FSTL5: variants seen among roughly 807,000 people sequenced by gnomAD.
FSTL5 encodes the protein follistatin-related protein 5.
A neutral mutation model predicts 89.1 loss-of-function variants in FSTL5; 62 were observed. That is an observed-to-expected ratio of 0.70 (90% CI 0.57 to 0.86). The LOEUF (loss-of-function observed/expected upper bound fraction) is 0.86, where lower values mean the gene tolerates loss of function less well. Ranked by LOEUF, FSTL5 falls within the 40% of genes least tolerant of loss-of-function variation. The pLI is 0.00. For missense variants in FSTL5, 1,057 were observed against 1,001.6 expected (o/e 1.06, Z -0.75); for synonymous variants, 383 against 346.2 (o/e 1.11, Z -1.18).
chr4:161,414,136 TTAAAG>T (rs1429086511), intron 15 of FSTL5, among the ~76,000 whole-genome samples: 1 of 152,078 alleles, frequency 6.6e-6, no homozygotes, highest in Admixed American at 6.5e-5. Flanking sequence ...ATATAAAAAA[TTAAAG>T]TAAATAATTT....
intron 4 of FSTL5, among the ~76,000 whole-genome samples, chr4:161,797,712 T>C (rs929594209): frequency 2.0e-5 from 3 of 151,652 alleles, no homozygotes; most frequent in Non-Finnish European, 4.4e-5. Context: ...CATATATTTC[T>C]AGTAAGAATG....
intron 4 of FSTL5, among the ~76,000 whole-genome samples, chr4:161,844,604 A>C (rs1312469510): frequency 6.6e-6 from 1 of 152,214 alleles, no homozygotes; most frequent in African/African-American, 2.4e-5. Context: ...AATACCATGC[A>C]ACCATAAAAA....
At chr4:162,001,761 G>A (rs1305114341) in intron 3 of FSTL5, among the ~76,000 whole-genome samples, 1 of 152,126 alleles carries the variant, frequency 6.6e-6, no homozygotes, top group Non-Finnish European at 1.5e-5. Context: ...GCCAAAGCCA[G>A]TGCTCTCACC....
chr4:162,052,214 T>C (rs1234099652), intron 2 of FSTL5, among the ~76,000 whole-genome samples: 2 of 150,946 alleles, frequency 1.3e-5, no homozygotes, highest in African/African-American at 4.8e-5. Context: ...AAACACAAAA[T>C]GCCAAAATAG....
intron 4 of FSTL5, among the ~76,000 whole-genome samples, chr4:161,909,563 A>C (rs1733633985): frequency 6.6e-6 from 1 of 151,980 alleles, no homozygotes; most frequent in African/African-American, 2.4e-5. Flanking sequence ...TCTCTCCTAA[A>C]ATTTCCCAAA....
intron 7 of FSTL5, among the ~76,000 whole-genome samples, chr4:161,600,323 C>T (rs998356509): frequency 1.3e-5 from 2 of 151,924 alleles, no homozygotes; most frequent in African/African-American, 4.8e-5. Context: ...ATATAATTCA[C>T]AGTAGGAGTC....
At chr4:162,055,794 G>T (rs1329082232) in intron 2 of FSTL5, among the ~76,000 whole-genome samples, 1 of 151,756 alleles carries the variant, frequency 6.6e-6, no homozygotes, top group East Asian at 1.9e-4. Flanking sequence ...GGAGACACAA[G>T]AAATACAATA....
rs1402178227 is a variant in FSTL5, at chr4:161,655,418, AATC to A, written c.894+907_894+909del. ...GTGAACACATGACCCCAGATTGACC[AATC>A]AGAGTATTACATTCTTGTACTTACT... On this transcript the variant is annotated intron_variant, in intron 7 of 15. Coordinates refer to ENST00000306100, the MANE Select transcript of FSTL5 (RefSeq NM_020116.5). 2.6e-4 allele frequency among the ~76,000 whole-genome samples: 39 copies of A among 152,196 alleles called. 1 individual carries two copies. The highest frequency in any genetic ancestry group is 9.4e-4 in the African/African-American group (39 of 41,548).
chr4:161,714,067 G>T lies in FSTL5; in HGVS notation c.727+45344C>A, dbSNP rs139920181. Among the ~76,000 whole-genome samples, 4 of 152,216 alleles carry T rather than the reference G, an allele frequency of 2.6e-5. No individual in the cohort carries two copies. The East Asian group carries it at 5.8e-4, about 22-fold the overall frequency. ...TTAAATTTTCTTTCACTGTTTACTA[G>T]TAAGCTAATAGCTTTTTCTGTTTGT... On this transcript the variant is annotated intron_variant, in intron 6 of 15. Transcript: ENST00000306100.
rs1017457469 is a variant in FSTL5 at position 161,617,232 on chromosome 4, A to C, written c.895-29657T>G. Among the ~76,000 whole-genome samples, 3 of 152,080 alleles carry C rather than the reference A, an allele frequency of 2.0e-5. No homozygotes were observed. The East Asian group carries it at 5.8e-4, about 29-fold the overall frequency. ...TCTGGAGCTTAAAAGTCAATTAGGG[A>C]ACTTAAATATCCTTGTAAGTATTTA... On this transcript the variant is annotated intron_variant, in intron 7 of 15. Coordinates refer to ENST00000306100, the MANE Select transcript of FSTL5 (RefSeq NM_020116.5).
chr4:161,829,609 A>G (rs373735157), intron 4 of FSTL5, among the ~76,000 whole-genome samples: 2 of 152,070 alleles, frequency 1.3e-5, no homozygotes, highest in East Asian at 1.9e-4. Context: ...CAAATAGCAA[A>G]CACTTTGTAA....
At chr4:161,463,165 A>T (rs1417339500) in intron 13 of FSTL5, among the ~76,000 whole-genome samples, 1 of 152,142 alleles carries the variant, frequency 6.6e-6, no homozygotes, top group East Asian at 1.9e-4. Context: ...GGAAAAAAAT[A>T]TCAGCCAATT....
intron 15 of FSTL5, among the ~76,000 whole-genome samples, chr4:161,417,395 C>G (rs976225631): frequency 6.6e-6 from 1 of 152,194 alleles, no homozygotes; most frequent in Non-Finnish European, 1.5e-5. Flanking sequence ...TTATTTCATT[C>G]TAATTTGCAG....
intron 3 of FSTL5, among the ~76,000 whole-genome samples, chr4:161,989,150 C>T (rs1014364988): frequency 2.0e-5 from 3 of 152,080 alleles, no homozygotes; most frequent in African/African-American, 7.2e-5. Flanking sequence ...TCTGCCAGAA[C>T]AATAAAAGCT....
intron 4 of FSTL5, among the ~76,000 whole-genome samples, chr4:161,781,330 TAA>T (rs34230798): frequency 2.5e-4 from 37 of 149,260 alleles, no homozygotes; most frequent in Middle Eastern, 3.6e-3. Context: ...TGAACATAAT[TAA>T]AAAAAAAAAT....
intron 4 of FSTL5, among the ~76,000 whole-genome samples, chr4:161,805,815 G>T (rs2126834204): frequency 6.6e-6 from 1 of 152,196 alleles, no homozygotes; most frequent in Middle Eastern, 3.4e-3. Flanking sequence ...AATTATGACT[G>T]TAGTCCTCTC....
Position 161,680,489 on chromosome 4 carries a change from T to A in FSTL5, c.728-23995A>T, listed in dbSNP as rs140803911. Among the ~76,000 whole-genome samples the A allele has an allele frequency of 3.2e-4, 48 of 152,082 alleles. No individual in the cohort carries two copies. In the East Asian group the frequency reaches 6.6e-3, roughly 21 times the overall value. ...TTATCCCAAAGCACTTGAGATAAAG[T>A]GACAACAACTTTAACTTTTCTCTTT... On this transcript the variant is annotated intron_variant, in intron 6 of 15. Transcript: ENST00000306100.
At chr4:161,799,760 G>A (rs1729740431) in intron 4 of FSTL5, among the ~76,000 whole-genome samples, 4 of 151,686 alleles carry the variant, frequency 2.6e-5, no homozygotes, top group African/African-American at 4.8e-5. Context: ...TATGACAATA[G>A]GTTGTTGAGT....
intron 4 of FSTL5, among the ~76,000 whole-genome samples, chr4:161,882,483 T>G (rs755737779): frequency 6.6e-6 from 1 of 152,122 alleles, no homozygotes; most frequent in Non-Finnish European, 1.5e-5. Context: ...ACTGAAAGAT[T>G]TTCTGTTCTT....
Sources: allele counts gnomAD v4.1 joint callset (sites outside exome capture counted in the v4.1 genomes callset), GRCh38; gene constraint gnomAD v4.1.1; transcripts MANE v1.5; gene names NCBI Gene and HGNC (gene_info 2026-07-23, HGNC 2026-07-21).